VBP1: variants seen among roughly 807,000 people sequenced by gnomAD.
The protein encoded by VBP1 is VHL binding protein 1.
Under a neutral mutation model 15.5 loss-of-function variants are expected in VBP1, and 4 were observed. The observed-to-expected ratio is 0.26, with a 90% confidence interval of 0.13 to 0.59. The LOEUF (loss-of-function observed/expected upper bound fraction) is 0.59, where lower values mean the gene tolerates loss of function less well. Among genes scored for constraint, VBP1 ranks in the 20% least tolerant of loss-of-function variants. The pLI is 0.90. For synonymous variants in VBP1, 61 were observed against 52.1 expected, an observed-to-expected ratio of 1.17 and a Z score of -0.74; for missense variants, 108 against 139.6, an observed-to-expected ratio of 0.77 and a Z score of 1.14.
chrX:155,223,701 G>A (rs1557309856), intron 2 of VBP1, among the ~76,000 whole-genome samples: 2 of 112,627 alleles, frequency 1.8e-5, no homozygotes, highest in African/African-American at 6.5e-5. Flanking sequence ...CGTTCTCAAC[G>A]AGCTGTTGGG....
At chrX:155,224,128 G>A (rs1422971423) in intron 2 of VBP1, among the ~76,000 whole-genome samples, 6 of 108,667 alleles carry the variant, frequency 5.5e-5, no homozygotes, top group East Asian at 2.9e-4. Flanking sequence ...GTGGGCGGCC[G>A]GGCAGAGGGG....
chrX:155,206,238 A>T (rs2074625683), intron 1 of VBP1, among the ~76,000 whole-genome samples: 1 of 101,285 alleles, frequency 9.9e-6, no homozygotes, highest in African/African-American at 3.5e-5. Flanking sequence ...CTTGAGTAGA[A>T]TTTTTTTTTT....
chrX:155,221,059 G>A (rs782785763), intron 2 of VBP1, among the ~76,000 whole-genome samples: 2 of 110,820 alleles, frequency 1.8e-5, no homozygotes, highest in African/African-American at 6.6e-5. Context: ...GGCTGGGCCC[G>A]GCGGCTCGCA....
intron 2 of VBP1, among the ~76,000 whole-genome samples, chrX:155,222,440 A>C (rs1557309679): frequency 1.8e-5 from 2 of 111,231 alleles, no homozygotes; most frequent in African/African-American, 6.6e-5. Flanking sequence ...GTGCCACTGC[A>C]CTCCAGCCTG....
intron 2 of VBP1, among the ~76,000 whole-genome samples, chrX:155,223,201 T>TTTTC (rs2074699131): frequency 9.3e-6 from 1 of 107,333 alleles, no homozygotes; most frequent in Admixed American, 1.0e-4. Flanking sequence ...TTTCTTTCTT[T>TTTTC]TTTTAATTTT....
At chrX:155,214,360 A>C (rs1557308812), upstream of VBP1, among the ~76,000 whole-genome samples, 2 of 112,518 alleles carry the variant, frequency 1.8e-5, no homozygotes, top group African/African-American at 6.5e-5. Context: ...AATTGGTTAT[A>C]CAGAATTAAC....
chrX:155,227,321 T>C lies in VBP1; in HGVS notation c.285+20T>C. 1 of 1,090,644 alleles carries C rather than the reference T, an allele frequency of 9.2e-7. No homozygotes were observed. The highest frequency in any genetic ancestry group is 1.2e-6 in the Non-Finnish European group (1 of 810,733). 89.9% of individuals were successfully genotyped at this position (1,090,644 alleles called of 1,213,427 possible). Reference sequence around the variant, plus strand: ...AAAAAAGTAAGTGCATTTTTGTTTGTAAATATGAGCAAGCTAGGATATGTC... The same window carrying C: ...AAAAAAGTAAGTGCATTTTTGTTTGCAAATATGAGCAAGCTAGGATATGTC... On this transcript the variant is annotated intron_variant, in intron 3 of 5. Transcript: ENST00000286428.
At chrX:155,226,308 T>C (rs187325895) in intron 2 of VBP1, among the ~76,000 whole-genome samples, 325 of 112,028 alleles carry the variant, frequency 2.9e-3, no homozygotes, top group Non-Finnish European at 4.5e-3. Context: ...TCTTATGTTC[T>C]TGTCAGTGAG....
Position 155,228,377 on chromosome X carries a change from T to G in VBP1, c.286-7T>G. 1.7e-6 allele frequency: 2 copies of G among 1,198,305 alleles called. No individual in the cohort carries two copies. The highest frequency in any genetic ancestry group is 3.5e-5 in the African/African-American group (2 of 57,065). On this transcript the variant is annotated splice_region_variant and splice_polypyrimidine_tract_variant and intron_variant, in intron 3 of 5. Transcript: ENST00000286428. ...ATGGTACTGTCATTTTTTTTTTTGT[T>G]TTGAAGGAGTCCACCAACTCAATGG...
chrX:155,209,609 G>A (rs2074637799), intron 2 of VBP1, among the ~76,000 whole-genome samples: 1 of 112,033 alleles, frequency 8.9e-6, no homozygotes, highest in Non-Finnish European at 1.9e-5. Context: ...TAATATGAGT[G>A]AGTATAGCTG....
upstream of VBP1, among the ~76,000 whole-genome samples, chrX:155,214,768 CT>C (rs782556765): frequency 3.7e-4 from 31 of 83,023 alleles, no homozygotes; most frequent in Admixed American, 9.9e-4. Context: ...TTTTCTTTTC[CT>C]TTTTTTTTTT....
At chrX:155,214,812 T>G (rs1229267249), upstream of VBP1, among the ~76,000 whole-genome samples, 1 of 97,610 alleles carries the variant, frequency 1.0e-5, no homozygotes, top group Non-Finnish European at 2.0e-5. Flanking sequence ...ACCTATAGAG[T>G]TGATAAGGTT....
chrX:155,216,348 C>T (rs782193471), upstream of VBP1: 130 of 1,104,080 alleles, frequency 1.2e-4, no homozygotes, highest in South Asian at 9.5e-4. Flanking sequence ...AGAACGGGGA[C>T]TTGTGGGGGA....
intron 4 of VBP1, among the ~76,000 whole-genome samples, chrX:155,230,615 C>T (rs1287075769): frequency 1.8e-5 from 2 of 111,001 alleles, no homozygotes; most frequent in Admixed American, 9.5e-5. Context: ...TATCACATTC[C>T]GAGGAAAAGT....
chrX:155,197,722 G>A (rs1296699805), intron 1 of VBP1, among the ~76,000 whole-genome samples: 2 of 112,021 alleles, frequency 1.8e-5, no homozygotes, highest in African/African-American at 3.2e-5. Context: ...CTGAGGTACC[G>A]GGTTCATCTC....
At chrX:155,202,058 G>A (rs782505574) in intron 1 of VBP1, among the ~76,000 whole-genome samples, 4 of 111,384 alleles carry the variant, frequency 3.6e-5, no homozygotes, top group South Asian at 7.6e-4. Context: ...TACAAGGGAC[G>A]TGAAGGACCT....
chrX:155,204,163 T>G (rs2074618024), intron 1 of VBP1, among the ~76,000 whole-genome samples: 2 of 111,401 alleles, frequency 1.8e-5, no homozygotes, highest in Admixed American at 1.9e-4. Flanking sequence ...TGAAAACATT[T>G]TTTTTTTGAG....
intron 4 of VBP1, among the ~76,000 whole-genome samples, chrX:155,231,481 G>A (rs781962527): frequency 1.3e-4 from 15 of 112,390 alleles, no homozygotes; most frequent in African/African-American, 4.8e-4. Flanking sequence ...ATATGTTATT[G>A]ATTGGTGTAT....
At chrX:155,217,303 C>G (rs972917587) in intron 1 of VBP1, among the ~76,000 whole-genome samples, 6 of 112,002 alleles carry the variant, frequency 5.4e-5, no homozygotes, top group Non-Finnish European at 1.1e-4. Flanking sequence ...CTCCACAGGC[C>G]GTTCTGGAGG....
Sources: gnomAD v4.1 joint callset for allele counts (sites outside exome capture counted in the v4.1 genomes callset) on GRCh38, gnomAD v4.1.1 for gene constraint, MANE v1.5 for transcripts, NCBI Gene and HGNC (gene_info 2026-07-23, HGNC 2026-07-21) for gene names.